TRPC4: variants seen among roughly 807,000 people sequenced by gnomAD.
The protein encoded by TRPC4 is short transient receptor potential channel 4.
A neutral mutation model predicts 99.4 loss-of-function variants in TRPC4; 49 were observed. The observed-to-expected ratio is 0.49, with a 90% CI of 0.39 to 0.63. The LOEUF (loss-of-function observed/expected upper bound fraction) is 0.63, where lower values mean the gene tolerates loss of function less well. TRPC4 is among the 20% of genes least tolerant of loss of function. The pLI is 0.00. For synonymous variants in TRPC4, 454 were observed against 425.9 expected, an observed-to-expected ratio of 1.07 and a Z score of -0.81; for missense variants, 898 against 1,152.9, an observed-to-expected ratio of 0.78 and a Z score of 3.20.
chr13:37,735,594 G>A (rs1955371781), intron 3 of TRPC4, among the ~76,000 whole-genome samples: 1 of 152,142 alleles, frequency 6.6e-6, no homozygotes, highest in Admixed American at 6.5e-5. Flanking sequence ...CTTATTGCTA[G>A]CACTTTCTTG....
At chr13:37,792,688 T>A (rs1448262661) in intron 1 of TRPC4, among the ~76,000 whole-genome samples, 1 of 151,352 alleles carries the variant, frequency 6.6e-6, no homozygotes, top group Non-Finnish European at 1.5e-5. Flanking sequence ...CACAATCAGA[T>A]CCTGTGGCCC....
intron 6 of TRPC4, 101 bp from the exon 7 acceptor site, chr13:37,655,384 T>TAA (rs35109839): frequency 0.32 from 122,060 of 380,946 alleles, 18,278 homozygotes; most frequent in African/African-American, 0.37. Context: ...TATATATATA[T>TAA]AATTAACTTA....
At chr13:37,858,947 T>C (rs1245453875) in intron 1 of TRPC4, among the ~76,000 whole-genome samples, 1 of 151,526 alleles carries the variant, frequency 6.6e-6, no homozygotes, top group Non-Finnish European at 1.5e-5. Flanking sequence ...GGATGGTTTG[T>C]AACATAAAAG....
Position 37,636,974 on chromosome 13 carries a change from A to G in TRPC4, c.2863T>C (p.Ser955Pro). The G allele has an allele frequency of 6.2e-7, 1 of 1,613,680 alleles. No individual in the cohort carries two copies. The highest frequency in any genetic ancestry group is 8.5e-7 in the Non-Finnish European group (1 of 1,179,726). Residue 955 changes from serine (S) to proline (P), a missense_variant, in exon 11 of 11, where the codon TCT becomes CCT. Physicochemically the swap from Ser to Pro is moderately conservative, Grantham distance 74 (BLOSUM62 -1). Around this residue, in one of 3 missense-constraint regions of TRPC4, gnomAD observed 346 missense variants for 351.4 expected, o/e 0.98. Coordinates refer to ENST00000379705, the MANE Select transcript of TRPC4 (RefSeq NM_016179.4). Reference protein sequence around the residue: ...PKEKHAKEEDSSIDYDLNLPD... With the variant: ...PKEKHAKEEDPSIDYDLNLPD... Reference sequence around the variant, plus strand: ...AGGTTTAGATCATAGTCTATACTAGAGTCCTCTTCTTTTGCATGTTTCTCC... The same window carrying G: ...AGGTTTAGATCATAGTCTATACTAGGGTCCTCTTCTTTTGCATGTTTCTCC...
chr13:37,678,381 C>T (rs1953129080), intron 4 of TRPC4, among the ~76,000 whole-genome samples: 1 of 151,228 alleles, frequency 6.6e-6, no homozygotes, highest in Non-Finnish European at 1.5e-5. Flanking sequence ...GAATGATTAA[C>T]AAAAAAAGAT....
intron 3 of TRPC4, among the ~76,000 whole-genome samples, chr13:37,721,019 C>A (rs1444729227): frequency 2.0e-5 from 3 of 152,158 alleles, no homozygotes; most frequent in Admixed American, 6.5e-5. Flanking sequence ...TTAGGAGACA[C>A]ATTCCAAACA....
intron 1 of TRPC4, among the ~76,000 whole-genome samples, chr13:37,824,148 C>T (rs1316125191): frequency 2.0e-5 from 3 of 150,310 alleles, no homozygotes; most frequent in Admixed American, 6.7e-5. Context: ...GCTGAAGTTG[C>T]TTATCAGCTT....
intron 5 of TRPC4, among the ~76,000 whole-genome samples, chr13:37,668,052 C>T (rs893897768): frequency 1.3e-5 from 2 of 152,152 alleles, no homozygotes; most frequent in Admixed American, 6.5e-5. Context: ...TCCTTTACCC[C>T]GACTGCAGAT....
chr13:37,692,388 C>A, intron 3 of TRPC4, 53 bp from the exon 4 acceptor site: 1 of 1,451,040 alleles, frequency 6.9e-7, no homozygotes, highest in South Asian at 1.3e-5. Context: ...CATGGAGTGG[C>A]CTCAATTCAT....
chr13:37,843,612 A>G (rs1958802014), intron 1 of TRPC4, among the ~76,000 whole-genome samples: 1 of 152,126 alleles, frequency 6.6e-6, no homozygotes, highest in Non-Finnish European at 1.5e-5. Flanking sequence ...TAATGGCACA[A>G]AAATGATTTC....
rs189908077 is a variant in TRPC4, at chr13:37,768,372, C to T, written c.378+14584G>A. Among the ~76,000 whole-genome samples the T allele has an allele frequency of 9.9e-5, 15 of 151,528 alleles. No homozygotes were observed. In the East Asian group the frequency reaches 2.2e-3, roughly 22 times the overall value. ...AAAAGACACGCGGAGAGCCATGTTA[C>T]CATGTAGCAGGGCTTTCCAGGCAAA... On this transcript the variant is annotated intron_variant, in intron 2 of 10. Transcript: ENST00000379705.
chr13:37,720,985 G>T (rs1954848750), intron 3 of TRPC4, among the ~76,000 whole-genome samples: 1 of 152,114 alleles, frequency 6.6e-6, no homozygotes, highest in Non-Finnish European at 1.5e-5. Flanking sequence ...ATGAGTACTT[G>T]GAAGAATTTG....
intron 3 of TRPC4, among the ~76,000 whole-genome samples, chr13:37,729,666 A>C (rs1191338443): frequency 6.6e-6 from 1 of 152,130 alleles, no homozygotes; most frequent in Non-Finnish European, 1.5e-5. Context: ...AAAAGGAAGG[A>C]AAAATCTGGC....
chr13:37,786,178 A>G (rs1956963664), intron 1 of TRPC4, among the ~76,000 whole-genome samples: 1 of 152,014 alleles, frequency 6.6e-6, no homozygotes, highest in Non-Finnish European at 1.5e-5. Context: ...GTATATAAGA[A>G]TTTATGTTAG....
intron 1 of TRPC4, among the ~76,000 whole-genome samples, chr13:37,784,293 C>T (rs2151438): frequency 0.52 from 79,032 of 151,780 alleles, 21,108 homozygotes; most frequent in East Asian, 0.78. Flanking sequence ...AACCACAAGG[C>T]AGGAATGTAT....
chr13:37,804,390 G>T (rs1957478477), intron 1 of TRPC4, among the ~76,000 whole-genome samples: 1 of 152,046 alleles, frequency 6.6e-6, no homozygotes, highest in Admixed American at 6.6e-5. Context: ...TCTGGCGCCA[G>T]ACTCCACATG....
chr13:37,857,510 T>A (rs1202921246), intron 1 of TRPC4, among the ~76,000 whole-genome samples: 1 of 151,546 alleles, frequency 6.6e-6, no homozygotes, highest in Non-Finnish European at 1.5e-5. Context: ...TTACTGACTT[T>A]GAATTATACT....
intron 1 of TRPC4, among the ~76,000 whole-genome samples, chr13:37,858,044 A>G (rs1439194841): frequency 2.0e-5 from 3 of 151,764 alleles, no homozygotes; most frequent in African/African-American, 7.2e-5. Flanking sequence ...ATTAGTATAT[A>G]TAAGAAGTTC....
intron 1 of TRPC4, among the ~76,000 whole-genome samples, chr13:37,787,502 C>A (rs1957002665): frequency 6.6e-6 from 1 of 152,012 alleles, no homozygotes; most frequent in Non-Finnish European, 1.5e-5. Flanking sequence ...TTTGCTATCA[C>A]TCTGAATTCC....
Sources: allele counts gnomAD v4.1 joint callset (sites outside exome capture counted in the v4.1 genomes callset), GRCh38; gene constraint gnomAD v4.1.1; regional missense constraint gnomAD v4.1.1; transcripts MANE v1.5; gene names NCBI Gene and HGNC (gene_info 2026-07-23, HGNC 2026-07-21).